Variants in PDZD2 observed in about 807,000 individuals in gnomAD.
PDZD2 encodes PDZ domain containing 2.
A neutral mutation model predicts 220.7 loss-of-function variants in PDZD2; 90 were observed. That is an observed-to-expected ratio of 0.41 (90% CI 0.34 to 0.49). The LOEUF (loss-of-function observed/expected upper bound fraction) is 0.49. Ranked by LOEUF, PDZD2 falls within the 20% of genes least tolerant of loss-of-function variation. The pLI is 0.28. For missense variants in PDZD2, 3,174 were observed against 3,608.5 expected (o/e 0.88, Z 3.08); for synonymous variants, 1,375 against 1,450.5 (o/e 0.95, Z 1.18).
intron 1 of PDZD2, among the ~76,000 whole-genome samples, chr5:31,709,676 C>T (rs1181399418): frequency 6.6e-6 from 1 of 152,162 alleles, no homozygotes; most frequent in Non-Finnish European, 1.5e-5. Context: ...GTCATGTCGG[C>T]TGGGTGCGAT....
chr5:32,090,837 G>A lies in PDZD2; in HGVS notation c.7389G>A (p.Lys2463=). ...CGATGACCCTGGCTTCTCCTGTTAA[G>A]AGGAACAAGTCCTCGGTACGCCACA... is the stretch of plus-strand genomic sequence containing the variant. ...TPTMTLASPV[K]RNKSSVRHTQ... is the part of the protein sequence containing the mutation. Residue 2463 remains lysine, a synonymous_variant, in exon 20 of 25, where the codon AAG becomes AAA. Coordinates refer to ENST00000438447, the MANE Select transcript of PDZD2 (RefSeq NM_178140.4). The surrounding 1 kb of genome is among the most constrained non-coding windows in gnomAD (Gnocchi z 4.3). 6.2e-7 allele frequency: 1 copy of A among 1,614,066 alleles called. No individual in the cohort carries two copies. The highest frequency in any genetic ancestry group is 8.5e-7 in the Non-Finnish European group (1 of 1,180,008).
chr5:31,974,189 C>T (rs1749547210), intron 2 of PDZD2, among the ~76,000 whole-genome samples: 1 of 152,014 alleles, frequency 6.6e-6, no homozygotes, highest in African/African-American at 2.4e-5. Context: ...CCATGTTGAC[C>T]GGGCTGGTCT....
At chr5:32,002,765 C>CCACACACCACACACCA (rs55888165) in intron 5 of PDZD2, among the ~76,000 whole-genome samples, 1 of 107,084 alleles carries the variant, frequency 9.3e-6, no homozygotes, top group Non-Finnish European at 1.8e-5. Flanking sequence ...ACCCCACACA[C>CCACACACCACACACCA]CACACACACC....
At chr5:32,082,138 C>T (rs939245302) in intron 19 of PDZD2, among the ~76,000 whole-genome samples, 1 of 151,774 alleles carries the variant, frequency 6.6e-6, no homozygotes, top group Non-Finnish European at 1.5e-5. Context: ...TCTCCTGCCT[C>T]AGCCTCCTGA....
At chr5:32,037,576 G>C (rs1277678413) in intron 7 of PDZD2, among the ~76,000 whole-genome samples, 1 of 152,158 alleles carries the variant, frequency 6.6e-6, no homozygotes, top group Non-Finnish European at 1.5e-5. Flanking sequence ...GTGTGTCTCT[G>C]TGTCCTGAAA....
intron 2 of PDZD2, among the ~76,000 whole-genome samples, chr5:31,878,322 C>A (rs1356891057): frequency 6.6e-6 from 1 of 152,086 alleles, no homozygotes; most frequent in African/African-American, 2.4e-5. Flanking sequence ...ACAACTGGAT[C>A]CATCCCTTCC....
Position 32,089,541 on chromosome 5 carries a change from T to C in PDZD2, c.6093T>C (p.Ala2031=). ...KCRAEGRAPR[A]DSGPVSPAAS... ...GAGCAGAGGGCAGGGCGCCCCGTGCTGACTCCGGGCCGGTGAGTCCGGCAG... is the reference window on the plus strand; with the variant it reads ...GAGCAGAGGGCAGGGCGCCCCGTGCCGACTCCGGGCCGGTGAGTCCGGCAG... The change falls in exon 20 of 25, where the codon GCT becomes GCC. Residue 2031 remains alanine, a synonymous_variant. Coordinates refer to ENST00000438447, the MANE Select transcript of PDZD2 (RefSeq NM_178140.4). 3 of 1,607,150 alleles carry C rather than the reference T, an allele frequency of 1.9e-6. No individual in the cohort carries two copies. The highest frequency in any genetic ancestry group is 2.5e-6 in the Non-Finnish European group (3 of 1,177,882).
Position 31,889,625 on chromosome 5 carries a change from G to A in PDZD2, c.476+89901G>A, listed in dbSNP as rs796781583. Among the ~76,000 whole-genome samples, 4 of 152,304 alleles carry A rather than the reference G, an allele frequency of 2.6e-5. 1 individual carries two copies. The South Asian group carries it at 6.2e-4, about 24-fold the overall frequency. ...GCCAAGGGGGAAAAGCCCTTTACTC[G>A]CCAACACTTGCTTTAAGTGTCATCT... On this transcript the variant is annotated intron_variant, in intron 2 of 24. Transcript: ENST00000438447.
chr5:31,806,349 A>G (rs560014151), intron 2 of PDZD2, among the ~76,000 whole-genome samples: 3 of 152,310 alleles, frequency 2.0e-5, no homozygotes, highest in Admixed American at 1.3e-4. Context: ...CATGGGTTTG[A>G]CAGAACTTCT....
chr5:31,644,040 C>T (rs1347600228), intron 1 of PDZD2, among the ~76,000 whole-genome samples: 2 of 151,812 alleles, frequency 1.3e-5, no homozygotes, highest in Non-Finnish European at 2.9e-5. Context: ...ACCATGTTGC[C>T]CAGGCTGGTA....
chr5:31,736,814 T>A (rs1017253775), intron 1 of PDZD2, among the ~76,000 whole-genome samples: 1 of 152,126 alleles, frequency 6.6e-6, no homozygotes, highest in South Asian at 2.1e-4. Context: ...ACTTGGGCCA[T>A]CTCCTTGGTG....
intron 1 of PDZD2, among the ~76,000 whole-genome samples, chr5:31,678,654 C>T (rs1344875590): frequency 2.0e-5 from 3 of 152,190 alleles, no homozygotes; most frequent in Admixed American, 6.5e-5. Flanking sequence ...TTCTCTCTGT[C>T]GCCCAGGTTG....
rs1167998080 is a variant in PDZD2 at position 31,778,841 on chromosome 5, G to C, written c.-360-20048G>C. Among the ~76,000 whole-genome samples, 3 of 152,084 alleles carry C rather than the reference G, an allele frequency of 2.0e-5. No individual in the cohort carries two copies. The South Asian group carries it at 6.2e-4, about 32-fold the overall frequency. ...TGTTCACAAGCATTTAGAAGATCTA[G>C]ATATTTAAAGGTGAAAAACCACTCA... is the stretch of plus-strand genomic sequence containing the variant. On this transcript the variant is annotated intron_variant, in intron 1 of 24. Coordinates refer to ENST00000438447, the MANE Select transcript of PDZD2 (RefSeq NM_178140.4).
intron 2 of PDZD2, among the ~76,000 whole-genome samples, chr5:31,924,507 TC>T (rs545260634): frequency 6.2e-4 from 95 of 152,262 alleles, no homozygotes; most frequent in African/African-American, 1.9e-3. Flanking sequence ...TGGTGATAGG[TC>T]CCTGTGGAAA....
chr5:31,817,257 G>A lies in PDZD2; in HGVS notation c.476+17533G>A, dbSNP rs369558236. Among the ~76,000 whole-genome samples, 20 of 151,204 alleles carry A rather than the reference G, an allele frequency of 1.3e-4. 1 individual carries two copies. The highest frequency in any genetic ancestry group is 1.2e-3 in the East Asian group (6 of 5,106). On this transcript the variant is annotated intron_variant, in intron 2 of 24. Coordinates refer to ENST00000438447, the MANE Select transcript of PDZD2 (RefSeq NM_178140.4). Reference sequence around the variant, plus strand: ...ACCTGTAATCCCAGCACTTTGGGAGGCTGAGGTGGGCAGATTACTTGAGGT... The same window carrying A: ...ACCTGTAATCCCAGCACTTTGGGAGACTGAGGTGGGCAGATTACTTGAGGT...
chr5:31,658,821 A>G (rs1409691389), intron 1 of PDZD2, among the ~76,000 whole-genome samples: 2 of 151,798 alleles, frequency 1.3e-5, no homozygotes, highest in East Asian at 3.9e-4. Flanking sequence ...GGGTTTCACC[A>G]TGTTGGCCAG....
rs1297451892 is a variant in PDZD2, at chr5:31,645,340, T to TC, written c.-361+5903_-361+5904insC. Among the ~76,000 whole-genome samples the TC allele has an allele frequency of 2.0e-5, 3 of 150,072 alleles. No individual in the cohort carries two copies. In the East Asian group the frequency reaches 5.8e-4, roughly 29 times the overall value. ...AGGGGTTACTCTTGGTCTCTTTTTT[T>TC]TTTTTTTTTTTTTTGAGACGGAGTC... On this transcript the variant is annotated intron_variant, in intron 1 of 24. Transcript: ENST00000438447.
intron 2 of PDZD2, among the ~76,000 whole-genome samples, chr5:31,805,247 G>A (rs200233972): frequency 1.3e-5 from 2 of 152,268 alleles, no homozygotes; most frequent in East Asian, 3.9e-4. Context: ...ACTCCTTTTG[G>A]CAAACTTAGC....
chr5:32,045,956 A>G (rs1013292943), intron 7 of PDZD2, among the ~76,000 whole-genome samples: 14 of 152,326 alleles, frequency 9.2e-5, no homozygotes, highest in African/African-American at 3.1e-4. Context: ...TTTCAGAGTA[A>G]TATTTAGGTA....
Sources: allele counts gnomAD v4.1 joint callset (sites outside exome capture counted in the v4.1 genomes callset), GRCh38; gene constraint gnomAD v4.1.1; non-coding constraint Gnocchi (gnomAD v3.1); transcripts MANE v1.5; gene names NCBI Gene and HGNC (gene_info 2026-07-23, HGNC 2026-07-21).